Variants in PAX7 observed in about 807,000 individuals in gnomAD.
The protein encoded by PAX7 is paired box 7, also known as paired box protein Pax-7.
Under a neutral mutation model 50.7 loss-of-function variants are expected in PAX7, and 18 were observed. That is an observed-to-expected ratio of 0.36 (90% CI 0.25 to 0.53). The LOEUF (loss-of-function observed/expected upper bound fraction) is 0.53, where lower values mean the gene tolerates loss of function less well. Among genes scored for constraint, PAX7 ranks in the 20% least tolerant of loss-of-function variants. The pLI, the probability that PAX7 is intolerant of heterozygous loss-of-function variation, is 0.93. For synonymous variants in PAX7, 310 were observed against 290.4 expected, an observed-to-expected ratio of 1.07 and a Z score of -0.69; for missense variants, 644 against 702.9, an observed-to-expected ratio of 0.92 and a Z score of 0.95.
intron 4 of PAX7, among the ~76,000 whole-genome samples, chr1:18,685,040 G>A (rs2088954453): frequency 6.6e-6 from 1 of 152,170 alleles, no homozygotes; most frequent in Non-Finnish European, 1.5e-5. Flanking sequence ...GGTTGGGGAT[G>A]GAAGAGAAGC....
intron 5 of PAX7, among the ~76,000 whole-genome samples, chr1:18,697,226 A>G (rs981145344): frequency 2.3e-4 from 35 of 152,218 alleles, no homozygotes; most frequent in African/African-American, 8.2e-4. Flanking sequence ...TATTGAGAGA[A>G]GGATCAGAAA....
chr1:18,691,924 A>G lies in PAX7; in HGVS notation c.757A>G (p.Arg253Gly). 1 of 1,614,010 alleles carries G rather than the reference A, an allele frequency of 6.2e-7. No homozygotes were observed. The highest frequency in any genetic ancestry group is 8.5e-7 in the Non-Finnish European group (1 of 1,179,994). The change falls in exon 5 of 9, where the codon AGG becomes GGG. Residue 253 changes from arginine to glycine, a missense_variant. Arg to Gly is a moderately radical substitution (Grantham distance 125). Transcript: ENST00000420770. ...DIYTREELAQ[R>G]TKLTEARVQV... ...ATACACCCGCGAGGAGCTGGCGCAGAGGACCAAGCTGACAGAGGCGCGTGT... is the reference window on the plus strand; with the variant it reads ...ATACACCCGCGAGGAGCTGGCGCAGGGGACCAAGCTGACAGAGGCGCGTGT...
At chr1:18,633,576 T>C (rs1042091075) in intron 1 of PAX7, among the ~76,000 whole-genome samples, 1 of 152,166 alleles carries the variant, frequency 6.6e-6, no homozygotes, top group Non-Finnish European at 1.5e-5. Flanking sequence ...AGTAGTGTCC[T>C]AAAATTGTCC....
At chr1:18,640,775 C>T (rs957061813) in intron 4 of PAX7, among the ~76,000 whole-genome samples, 1 of 141,738 alleles carries the variant, frequency 7.1e-6, no homozygotes, top group Non-Finnish European at 1.5e-5. Context: ...AGGCAGCGCT[C>T]GGCGGTGGAT....
intron 7 of PAX7, among the ~76,000 whole-genome samples, chr1:18,724,417 C>T (rs1402345424): frequency 3.3e-5 from 5 of 152,232 alleles, no homozygotes; most frequent in Admixed American, 6.5e-5. Flanking sequence ...AGGCACACTG[C>T]GGGCATGGTA....
intron 4 of PAX7, among the ~76,000 whole-genome samples, chr1:18,663,742 G>A (rs2088631222): frequency 1.3e-5 from 2 of 152,250 alleles, no homozygotes; most frequent in Non-Finnish European, 2.9e-5. Flanking sequence ...TTTGGGGTAC[G>A]TGGAGGAACT....
intron 8 of PAX7, among the ~76,000 whole-genome samples, chr1:18,738,751 G>A (rs1005120784): frequency 6.6e-6 from 1 of 152,216 alleles, no homozygotes; most frequent in East Asian, 1.9e-4. Flanking sequence ...AAGCTGGGAG[G>A]GAAGGGCTGG....
chr1:18,676,649 C>T (rs905957335), intron 4 of PAX7, among the ~76,000 whole-genome samples: 1 of 152,120 alleles, frequency 6.6e-6, no homozygotes, highest in Non-Finnish European at 1.5e-5. Context: ...GAAATTGGTC[C>T]TTCCCCTCCC....
Position 18,748,666 on chromosome 1 carries a change from C to T in PAX7, c.*3737C>T, listed in dbSNP as rs1931548989. On this transcript the variant is annotated 3_prime_UTR_variant, in exon 9 of 9. Coordinates refer to ENST00000420770, the MANE Select transcript of PAX7 (RefSeq NM_001135254.2). ...CCCCATGCGGAAGTGAGTGGGTGTA[C>T]GTGAGGGTGTGAGTGGGGTGTGTGC... is the stretch of plus-strand genomic sequence containing the variant. 1.7e-5 allele frequency: 4 copies of T among 231,836 alleles called. No homozygotes were observed. Among genetic ancestry groups the T allele is most frequent in the Non-Finnish European group, 2.6e-5 (3 of 117,266 alleles). 14.4% of individuals were successfully genotyped at this position (231,836 alleles called of 1,614,324 possible). A position where few individuals can be genotyped will look rare whatever the true frequency, so the allele number is the denominator to read the frequency against.
At chr1:18,658,697 C>G (rs1184188277) in intron 4 of PAX7, among the ~76,000 whole-genome samples, 1 of 152,206 alleles carries the variant, frequency 6.6e-6, no homozygotes, top group Non-Finnish European at 1.5e-5. Context: ...GACTATGGCT[C>G]AGGCAGCTCA....
chr1:18,691,759 C>A lies in PAX7; in HGVS notation c.592C>A (p.Arg198=). 1 of 1,573,730 alleles carries A rather than the reference C, an allele frequency of 6.4e-7. No individual in the cohort carries two copies. The change falls in exon 5 of 9, where the codon CGG becomes AGG. Residue 198 remains arginine (R), a synonymous_variant. Coordinates refer to ENST00000420770, the MANE Select transcript of PAX7 (RefSeq NM_001135254.2). ...TCCCTCTCCTCCGGCTGTAGGGAAC[C>A]GGCTGGACGAGGGCTCGGATGTGGA... is the stretch of plus-strand genomic sequence containing the variant. ...IDGILGDKGN[R]LDEGSDVESE... is the part of the protein sequence containing the mutation.
At chr1:18,655,742 A>G (rs1410087357) in intron 4 of PAX7, among the ~76,000 whole-genome samples, 2 of 150,336 alleles carry the variant, frequency 1.3e-5, no homozygotes, top group African/African-American at 4.9e-5. Flanking sequence ...AAAACATTGA[A>G]CTAGAGCCAC....
At chr1:18,739,064 C>T (rs1930976988) in intron 8 of PAX7, among the ~76,000 whole-genome samples, 1 of 152,230 alleles carries the variant, frequency 6.6e-6, no homozygotes, top group East Asian at 1.9e-4. Context: ...TCCATCTGTC[C>T]TCCCTTAACA....
intron 4 of PAX7, among the ~76,000 whole-genome samples, chr1:18,664,682 TG>T (rs2088643584): frequency 6.6e-6 from 1 of 152,162 alleles, no homozygotes; most frequent in South Asian, 2.1e-4. Flanking sequence ...ATGTCAGATC[TG>T]GGGTGAGGCA....
intron 2 of PAX7, 67 bp from the exon 3 acceptor site, chr1:18,635,044 T>C: frequency 6.3e-7 from 1 of 1,575,694 alleles, no homozygotes; most frequent in Admixed American, 1.7e-5. Flanking sequence ...TAAGAGGTGA[T>C]ATTAAAAGTA....
intron 7 of PAX7, among the ~76,000 whole-genome samples, chr1:18,716,912 C>T (rs908250266): frequency 6.6e-6 from 1 of 151,978 alleles, no homozygotes; most frequent in Non-Finnish European, 1.5e-5. Context: ...CTGGTGGGCT[C>T]CGAGGCAGGG....
chr1:18,644,202 G>C (rs528111463), intron 4 of PAX7, among the ~76,000 whole-genome samples: 2 of 152,294 alleles, frequency 1.3e-5, no homozygotes, highest in African/African-American at 2.4e-5. Context: ...AGCCCCCCGC[G>C]GCTGTGTTCC....
At chr1:18,682,627 C>A (rs114353076) in intron 4 of PAX7, among the ~76,000 whole-genome samples, 2,923 of 152,254 alleles carry the variant, frequency 0.019, 89 homozygotes, top group African/African-American at 0.066. Flanking sequence ...GGCAGTGGCC[C>A]TGGGCAAGTC....
At chr1:18,711,624 G>GC (rs1354380898) in intron 7 of PAX7, among the ~76,000 whole-genome samples, 1 of 152,140 alleles carries the variant, frequency 6.6e-6, no homozygotes, top group Non-Finnish European at 1.5e-5. Flanking sequence ...CCTCCCTCAA[G>GC]CCCCTGGGGA....
Sources: gnomAD v4.1 joint callset for allele counts (sites outside exome capture counted in the v4.1 genomes callset) on GRCh38, gnomAD v4.1.1 for gene constraint, MANE v1.5 for transcripts, NCBI Gene and HGNC (gene_info 2026-07-23, HGNC 2026-07-21) for gene names.